Variants in UNC13C observed in about 807,000 individuals in gnomAD.
UNC13C encodes unc-13 homolog C.
A neutral mutation model predicts 245.4 loss-of-function variants in UNC13C; 174 were observed. The ratio of observed to expected loss-of-function variants is 0.71; its 90% CI spans 0.63 to 0.80. The LOEUF (loss-of-function observed/expected upper bound fraction) is 0.80. UNC13C is among the 30% of genes least tolerant of loss of function. The pLI is 0.00. For missense variants in UNC13C, 2,829 were observed against 2,602.9 expected (o/e 1.09, Z -1.89); for synonymous variants, 992 against 895.1 (o/e 1.11, Z -1.93).
intron 2 of UNC13C, among the ~76,000 whole-genome samples, chr15:54,081,705 G>C (rs1281047837): frequency 6.6e-6 from 1 of 151,816 alleles, no homozygotes; most frequent in Non-Finnish European, 1.5e-5. Flanking sequence ...TGGGACTCTT[G>C]AAGGCAACAG....
intron 19 of UNC13C, among the ~76,000 whole-genome samples, chr15:54,455,651 A>G (rs769983168): frequency 1.3e-5 from 2 of 149,304 alleles, no homozygotes; most frequent in African/African-American, 2.5e-5. Context: ...GCCATTTTAT[A>G]TCTTATTTTG....
chr15:54,324,354 A>G (rs2038239804), intron 14 of UNC13C, among the ~76,000 whole-genome samples: 1 of 152,032 alleles, frequency 6.6e-6, no homozygotes, highest in Non-Finnish European at 1.5e-5. Flanking sequence ...TTGAGACTCC[A>G]AACCAGTAGA....
intron 7 of UNC13C, among the ~76,000 whole-genome samples, chr15:54,238,795 A>G (rs1468778462): frequency 1.3e-5 from 2 of 152,222 alleles, no homozygotes; most frequent in Non-Finnish European, 2.9e-5. Flanking sequence ...TGATTGAATG[A>G]AAGAACCACA....
At chr15:54,315,644 G>C (rs1206138297) in intron 13 of UNC13C, among the ~76,000 whole-genome samples, 2 of 151,226 alleles carry the variant, frequency 1.3e-5, no homozygotes, top group African/African-American at 2.4e-5. Flanking sequence ...CCAAATCTAG[G>C]TGTTTAGTCC....
chr15:54,489,879 C>T (rs1005957148), intron 19 of UNC13C, among the ~76,000 whole-genome samples: 1 of 152,090 alleles, frequency 6.6e-6, no homozygotes, highest in African/African-American at 2.4e-5. Context: ...TTGTACTGTC[C>T]TCAAGATCAG....
intron 2 of UNC13C, among the ~76,000 whole-genome samples, chr15:54,106,328 T>A (rs562868719): frequency 3.9e-5 from 6 of 152,244 alleles, no homozygotes; most frequent in Admixed American, 3.9e-4. Context: ...GAATCATTAC[T>A]GATGTTCAAG....
chr15:54,555,115 A>ATG (rs1180709080), intron 28 of UNC13C, among the ~76,000 whole-genome samples: 5 of 152,028 alleles, frequency 3.3e-5, no homozygotes. Context: ...GACATAAACC[A>ATG]AGGAAGTCAG....
intron 30 of UNC13C, among the ~76,000 whole-genome samples, chr15:54,605,460 C>G (rs1211868397): frequency 1.3e-5 from 2 of 152,132 alleles, no homozygotes; most frequent in South Asian, 2.1e-4. Flanking sequence ...TTTTGTCTTG[C>G]TTTGGAGCCC....
chr15:54,003,128 C>G (rs998387301), intron 1 of UNC13C, among the ~76,000 whole-genome samples: 3 of 152,134 alleles, frequency 2.0e-5, no homozygotes, highest in African/African-American at 7.2e-5. Context: ...TCTAACCCTG[C>G]TGCCTGAATT....
In UNC13C at chr15:54,569,015, A is replaced by G. The variant is rs148143945; in HGVS notation, c.6106+1068A>G. On this transcript the variant is annotated intron_variant, in intron 30 of 32. Transcript: ENST00000260323. ...GTCGAGCTCATGAGAGATTGTCAAG[A>G]GATGCAGAAATATTCAAAACATTAT... is the stretch of plus-strand genomic sequence containing the variant. 2.0e-3 allele frequency among the ~76,000 whole-genome samples: 307 copies of G among 152,306 alleles called. 2 individuals are homozygous for G. The highest frequency in any genetic ancestry group is 7.1e-3 in the African/African-American group (297 of 41,584).
chr15:54,037,267 G>T (rs925252983), intron 2 of UNC13C, among the ~76,000 whole-genome samples: 1 of 152,216 alleles, frequency 6.6e-6, no homozygotes, highest in Admixed American at 6.5e-5. Context: ...GCACTCCGGT[G>T]ATGTGGTTTA....
intron 30 of UNC13C, among the ~76,000 whole-genome samples, chr15:54,599,944 G>T (rs1025585289): frequency 1.3e-5 from 2 of 152,222 alleles, no homozygotes; most frequent in Non-Finnish European, 2.9e-5. Flanking sequence ...TAAGTTAGAG[G>T]CATTGGAAAG....
At chr15:54,327,073 C>T (rs979821400) in intron 14 of UNC13C, among the ~76,000 whole-genome samples, 3 of 151,936 alleles carry the variant, frequency 2.0e-5, no homozygotes, top group African/African-American at 7.2e-5. Context: ...TGAACGCACT[C>T]ATGGGTAGAT....
the UNC13C span, among the ~76,000 whole-genome samples, chr15:53,866,994 A>G: frequency 3.9e-5 from 6 of 152,344 alleles, no homozygotes; most frequent in East Asian, 1.2e-3. Context: ...AAGGAGTCAA[A>G]GTATATGATA....
At chr15:53,862,740 C>G in the UNC13C span, among the ~76,000 whole-genome samples, 524 of 152,270 alleles carry the variant, frequency 3.4e-3, no homozygotes, top group Admixed American at 7.4e-3. Context: ...AAAGCAATCT[C>G]TCTGGTGTCT....
intron 10 of UNC13C, among the ~76,000 whole-genome samples, chr15:54,275,606 C>T (rs1442128040): frequency 6.6e-6 from 1 of 152,052 alleles, no homozygotes; most frequent in East Asian, 1.9e-4. Context: ...TACTACTTCA[C>T]ATACAATATG....
At chr15:54,422,574 A>G (rs1347204155) in intron 19 of UNC13C, among the ~76,000 whole-genome samples, 1 of 151,986 alleles carries the variant, frequency 6.6e-6, no homozygotes, top group Non-Finnish European at 1.5e-5. Context: ...ACTCAAATGT[A>G]GCCACACTGT....
At chr15:54,171,816 C>T (rs532843829) in intron 4 of UNC13C, among the ~76,000 whole-genome samples, 3 of 151,978 alleles carry the variant, frequency 2.0e-5, no homozygotes, top group Non-Finnish European at 2.9e-5. Flanking sequence ...ATGTTTATTG[C>T]GGTATTATTC....
At chr15:54,187,604 G>A (rs2034037965) in intron 4 of UNC13C, among the ~76,000 whole-genome samples, 2 of 152,056 alleles carry the variant, frequency 1.3e-5, no homozygotes, top group African/African-American at 4.8e-5. Flanking sequence ...CCTCTTCACT[G>A]AATCTCTCAG....
Sources: gnomAD v4.1 joint callset for allele counts (sites outside exome capture counted in the v4.1 genomes callset) on GRCh38, gnomAD v4.1.1 for gene constraint, MANE v1.5 for transcripts, NCBI Gene and HGNC (gene_info 2026-07-23, HGNC 2026-07-21) for gene names.